The following CNTNAP2 variants were observed in gnomAD, a reference collection of about 807,000 sequenced individuals.
The protein encoded by CNTNAP2 is contactin associated protein 2, also known as contactin-associated protein-like 2.
CNTNAP2 carries 98 observed loss-of-function variants against 155.2 expected under a neutral mutation model. The ratio of observed to expected loss-of-function variants is 0.63; its 90% CI spans 0.54 to 0.75. The LOEUF (loss-of-function observed/expected upper bound fraction) is 0.75, where lower values mean the gene tolerates loss of function less well. Among genes scored for constraint, CNTNAP2 ranks in the 30% least tolerant of loss-of-function variants. The pLI is 0.00. For missense variants in CNTNAP2, 1,727 were observed against 1,688.1 expected, an observed-to-expected ratio of 1.02 and a Z score of -0.40; for synonymous variants, 651 against 631.2, an observed-to-expected ratio of 1.03 and a Z score of -0.47.
chr7:146,430,878 T>C (rs962541565), intron 1 of CNTNAP2, among the ~76,000 whole-genome samples: 1 of 152,080 alleles, frequency 6.6e-6, no homozygotes, highest in African/African-American at 2.4e-5. Flanking sequence ...TCAATTAACA[T>C]AATTCCATTA....
At chr7:147,694,631 A>G (rs1796136533) in intron 13 of CNTNAP2, among the ~76,000 whole-genome samples, 1 of 152,124 alleles carries the variant, frequency 6.6e-6, no homozygotes, top group Admixed American at 6.6e-5. Flanking sequence ...TTTTCACAGA[A>G]TTCATTTGTT....
chr7:146,811,256 A>G (rs1803061086), intron 2 of CNTNAP2, among the ~76,000 whole-genome samples: 1 of 152,138 alleles, frequency 6.6e-6, no homozygotes, highest in Non-Finnish European at 1.5e-5. Flanking sequence ...CAGTGATGCC[A>G]TGTGTTTTAG....
chr7:146,983,203 T>C (rs1798051915), intron 3 of CNTNAP2, among the ~76,000 whole-genome samples: 1 of 152,124 alleles, frequency 6.6e-6, no homozygotes, highest in Non-Finnish European at 1.5e-5. Context: ...GCTTTTAAAA[T>C]TGTGTTTTCT....
chr7:147,593,551 A>G (rs537029059), intron 12 of CNTNAP2, among the ~76,000 whole-genome samples: 2 of 152,130 alleles, frequency 1.3e-5, no homozygotes, highest in East Asian at 3.9e-4. Context: ...TAGGCCTTTA[A>G]AAACCTCCAT....
chr7:146,125,385 G>C (rs1470337188), intron 1 of CNTNAP2, among the ~76,000 whole-genome samples: 1 of 151,828 alleles, frequency 6.6e-6, no homozygotes, highest in Non-Finnish European at 1.5e-5. Flanking sequence ...GAACATCCTG[G>C]CTAACACGGT....
intron 11 of CNTNAP2, among the ~76,000 whole-genome samples, chr7:147,516,760 A>G (rs1799134998): frequency 6.6e-6 from 1 of 151,686 alleles, no homozygotes. Context: ...TCTTCTTTCT[A>G]GTTCTCTATG....
At chr7:148,319,167 G>C (rs542047736) in intron 21 of CNTNAP2, among the ~76,000 whole-genome samples, 195 of 152,258 alleles carry the variant, frequency 1.3e-3, no homozygotes, top group African/African-American at 4.5e-3. Flanking sequence ...AGTCAACTTT[G>C]TGTTTAATAA....
In CNTNAP2 at chr7:147,014,487, G is replaced by T. The variant is rs1331965248; in HGVS notation, c.403-29420G>T. ...ATAAATAGGCTAACTTCCCAGAAAT[G>T]AAAGTAAATAATTATTTATTTAATT... On this transcript the variant is annotated intron_variant, in intron 3 of 23. Transcript: ENST00000361727. Among the ~76,000 whole-genome samples, 3 of 152,156 alleles carry T rather than the reference G, an allele frequency of 2.0e-5. No individual in the cohort carries two copies. The East Asian group carries it at 5.8e-4, about 29-fold the overall frequency.
At chr7:146,821,727 A>G (rs1335359869) in intron 2 of CNTNAP2, among the ~76,000 whole-genome samples, 3 of 152,182 alleles carry the variant, frequency 2.0e-5, no homozygotes, top group Non-Finnish European at 4.4e-5. Context: ...AAAAATGCTC[A>G]TCATCACTGG....
At chr7:147,923,565 A>G (rs992289929) in intron 14 of CNTNAP2, among the ~76,000 whole-genome samples, 10 of 152,060 alleles carry the variant, frequency 6.6e-5, no homozygotes, top group Non-Finnish European at 1.3e-4. Context: ...CCAGGCTGAA[A>G]TGCAGTGGTA....
intron 1 of CNTNAP2, among the ~76,000 whole-genome samples, chr7:146,571,849 A>C (rs941233515): frequency 1.5e-4 from 23 of 150,944 alleles, no homozygotes; most frequent in African/African-American, 5.4e-4. Context: ...CTCCCATCTC[A>C]GGTTCCCGAG....
At chr7:148,061,329 T>C (rs528550229) in intron 15 of CNTNAP2, among the ~76,000 whole-genome samples, 6 of 152,136 alleles carry the variant, frequency 3.9e-5, no homozygotes, top group Admixed American at 3.3e-4. Context: ...TAAGATAGAA[T>C]TCCAAAGTGC....
At chr7:146,502,009 A>G (rs1434107410) in intron 1 of CNTNAP2, among the ~76,000 whole-genome samples, 3 of 151,806 alleles carry the variant, frequency 2.0e-5, no homozygotes, top group East Asian at 1.9e-4. Context: ...TCTTTGCCCT[A>G]TCCTTCCGAG....
chr7:146,508,797 A>G (rs1203906804), intron 1 of CNTNAP2, among the ~76,000 whole-genome samples: 1 of 152,180 alleles, frequency 6.6e-6, no homozygotes, highest in Non-Finnish European at 1.5e-5. Context: ...TTGCCTCCAC[A>G]AAGTTAACAG....
intron 10 of CNTNAP2, among the ~76,000 whole-genome samples, chr7:147,415,302 C>T (rs943350828): frequency 6.6e-6 from 1 of 152,144 alleles, no homozygotes; most frequent in African/African-American, 2.4e-5. Context: ...GAGATCAGTT[C>T]AAGCTAGTCC....
chr7:148,059,084 CA>C (rs762678092), intron 15 of CNTNAP2, among the ~76,000 whole-genome samples: 46 of 151,894 alleles, frequency 3.0e-4, no homozygotes, highest in South Asian at 8.4e-4. Flanking sequence ...AATTCGAGAC[CA>C]ACCTGGCCAA....
intron 1 of CNTNAP2, among the ~76,000 whole-genome samples, chr7:146,747,073 A>C (rs2129181882): frequency 6.6e-6 from 1 of 152,236 alleles, no homozygotes; most frequent in Non-Finnish European, 1.5e-5. Context: ...CTGGCTTACT[A>C]CCTAGTATGC....
At chr7:147,526,551 A>G (rs1799325396) in intron 11 of CNTNAP2, among the ~76,000 whole-genome samples, 1 of 152,244 alleles carries the variant, frequency 6.6e-6, no homozygotes, top group Non-Finnish European at 1.5e-5. Context: ...TTTAGTGCTC[A>G]TTGCTTGAAG....
intron 13 of CNTNAP2, among the ~76,000 whole-genome samples, chr7:147,669,944 G>A (rs896121258): frequency 1.3e-5 from 2 of 152,076 alleles, no homozygotes; most frequent in East Asian, 1.9e-4. Flanking sequence ...GGTAATCCAC[G>A]GTTCTGCTTT....
Sources: gnomAD v4.1 joint callset for allele counts (sites outside exome capture counted in the v4.1 genomes callset) on GRCh38, gnomAD v4.1.1 for gene constraint, MANE v1.5 for transcripts, NCBI Gene and HGNC (gene_info 2026-07-23, HGNC 2026-07-21) for gene names.